PLEKHM3: variants seen among roughly 807,000 people sequenced by gnomAD.
PLEKHM3 encodes the protein pleckstrin homology domain containing M3.
A neutral mutation model predicts 81.8 loss-of-function variants in PLEKHM3; 45 were observed. That is an observed-to-expected ratio of 0.55 (90% CI 0.43 to 0.71). The LOEUF (loss-of-function observed/expected upper bound fraction) is 0.71, where lower values mean the gene tolerates loss of function less well. PLEKHM3 is among the 30% of genes least tolerant of loss of function. The pLI, the probability that PLEKHM3 is intolerant of heterozygous loss-of-function variation, is 0.00. For synonymous variants in PLEKHM3, 352 were observed against 356.4 expected, an observed-to-expected ratio of 0.99 and a Z score of 0.14; for missense variants, 788 against 924.3, an observed-to-expected ratio of 0.85 and a Z score of 1.91.
At chr2:207,965,277 C>T (rs1003996858) in intron 3 of PLEKHM3, among the ~76,000 whole-genome samples, 2 of 151,844 alleles carry the variant, frequency 1.3e-5, no homozygotes, top group Admixed American at 6.6e-5. Flanking sequence ...TTAGAAGTTA[C>T]GCCGGAAATG....
chr2:207,878,301 G>A (rs2092569400), intron 6 of PLEKHM3, among the ~76,000 whole-genome samples: 1 of 135,762 alleles, frequency 7.4e-6, no homozygotes, highest in Non-Finnish European at 1.7e-5. Context: ...CACACAGTGA[G>A]CATTAAAAAA....
chr2:207,984,519 T>C (rs1335839327), intron 2 of PLEKHM3, among the ~76,000 whole-genome samples: 1 of 152,270 alleles, frequency 6.6e-6, no homozygotes, highest in East Asian at 1.9e-4. Context: ...TAGCTGGGAT[T>C]ACAGGCGTGT....
chr2:207,902,891 T>C (rs940064563), intron 6 of PLEKHM3, among the ~76,000 whole-genome samples: 2 of 139,382 alleles, frequency 1.4e-5, no homozygotes, highest in East Asian at 4.5e-4. Flanking sequence ...CTATGTTGCA[T>C]AAGTTACATT....
At chr2:207,897,042 G>A (rs1688248005) in intron 6 of PLEKHM3, among the ~76,000 whole-genome samples, 1 of 152,236 alleles carries the variant, frequency 6.6e-6, no homozygotes, top group South Asian at 2.1e-4. Flanking sequence ...CCTAGGGAGA[G>A]TTCCTTGGCT....
At chr2:208,013,851 T>C (rs1692784872) in intron 1 of PLEKHM3, among the ~76,000 whole-genome samples, 1 of 152,174 alleles carries the variant, frequency 6.6e-6, no homozygotes, top group Admixed American at 6.5e-5. Flanking sequence ...AACAACCGGC[T>C]TATGGCTTAG....
intron 6 of PLEKHM3, among the ~76,000 whole-genome samples, chr2:207,868,220 C>A (rs916650540): frequency 2.6e-5 from 4 of 152,074 alleles, no homozygotes; most frequent in Admixed American, 2.6e-4. Context: ...CCAGGACCAA[C>A]TAGGACAAAA....
At chr2:208,005,521 A>G (rs1216562926) in intron 1 of PLEKHM3, among the ~76,000 whole-genome samples, 3 of 152,162 alleles carry the variant, frequency 2.0e-5, no homozygotes, top group Admixed American at 6.5e-5. Context: ...AACCAGGGCT[A>G]TATGTTTTTG....
At chr2:208,021,154 T>A (rs574031466) in intron 1 of PLEKHM3, among the ~76,000 whole-genome samples, 1 of 152,370 alleles carries the variant, frequency 6.6e-6, no homozygotes, top group African/African-American at 2.4e-5. Flanking sequence ...CAGCCTTGGA[T>A]GTTTTTTAAT....
chr2:207,897,852 T>C (rs1688276157), intron 6 of PLEKHM3, among the ~76,000 whole-genome samples: 2 of 152,232 alleles, frequency 1.3e-5, no homozygotes, highest in African/African-American at 4.8e-5. Flanking sequence ...CTTTAGAATA[T>C]GATTTATCAA....
intron 6 of PLEKHM3, among the ~76,000 whole-genome samples, chr2:207,903,007 T>G (rs1486814011): frequency 6.6e-6 from 1 of 152,034 alleles, no homozygotes; most frequent in Admixed American, 6.5e-5. Flanking sequence ...CTCTCTCTTT[T>G]CATGGCTCTT....
At chr2:208,008,515 A>AAC (rs1692578727) in intron 1 of PLEKHM3, among the ~76,000 whole-genome samples, 1 of 150,200 alleles carries the variant, frequency 6.7e-6, no homozygotes, top group African/African-American at 2.4e-5. Context: ...AAAAAAAAAA[A>AAC]AAAAAAAAAA....
rs1485068789 is a variant in PLEKHM3 at position 207,952,527 on chromosome 2, T to C, written c.1547-6015A>G. Among the ~76,000 whole-genome samples, 4 of 152,218 alleles carry C rather than the reference T, an allele frequency of 2.6e-5. No individual in the cohort carries two copies. In the East Asian group the frequency reaches 7.7e-4, roughly 29 times the overall value. On this transcript the variant is annotated intron_variant, in intron 3 of 7. Coordinates refer to ENST00000427836, the MANE Select transcript of PLEKHM3 (RefSeq NM_001080475.3). ...CTTATAGTCTCTAACCATTGGCTCA[T>C]TAAGTAGTGAAATTTTGAACCTGTA...
chr2:207,936,901 C>A (rs1202017420), intron 4 of PLEKHM3, among the ~76,000 whole-genome samples: 2 of 148,504 alleles, frequency 1.3e-5, no homozygotes, highest in African/African-American at 2.5e-5. Context: ...ATGTAAAATT[C>A]ATGAAATATT....
At chr2:207,980,047 C>T (rs1691468386) in intron 2 of PLEKHM3, among the ~76,000 whole-genome samples, 1 of 152,208 alleles carries the variant, frequency 6.6e-6, no homozygotes. Flanking sequence ...ATCTCATTTC[C>T]ATCAAGCACT....
At chr2:207,950,246 A>G (rs1194267676) in intron 3 of PLEKHM3, among the ~76,000 whole-genome samples, 7 of 152,232 alleles carry the variant, frequency 4.6e-5, no homozygotes, top group Non-Finnish European at 1.0e-4. Context: ...ATGACCCAGA[A>G]GTAGGTTTGA....
At chr2:207,932,994 C>CA (rs1689641629) in intron 4 of PLEKHM3, among the ~76,000 whole-genome samples, 2 of 151,854 alleles carry the variant, frequency 1.3e-5, no homozygotes, top group Non-Finnish European at 1.5e-5. Context: ...TATAGGAATG[C>CA]AAAAAAATAC....
intron 2 of PLEKHM3, among the ~76,000 whole-genome samples, chr2:207,985,782 C>T (rs983701712): frequency 1.2e-4 from 19 of 152,008 alleles, no homozygotes; most frequent in African/African-American, 3.9e-4. Context: ...GTCAGGAGAT[C>T]GAGACCATCC....
chr2:207,987,558 G>C (rs1015860794), intron 2 of PLEKHM3, among the ~76,000 whole-genome samples: 1 of 152,174 alleles, frequency 6.6e-6, no homozygotes, highest in African/African-American at 2.4e-5. Flanking sequence ...AAAGAACACT[G>C]GGGTGTTGCT....
At chr2:207,985,252 T>C (rs1691677171) in intron 2 of PLEKHM3, among the ~76,000 whole-genome samples, 1 of 151,606 alleles carries the variant, frequency 6.6e-6, no homozygotes, top group Non-Finnish European at 1.5e-5. Flanking sequence ...CTTGTCCAAG[T>C]TCTCCTCATA....
Sources: allele counts gnomAD v4.1 joint callset (sites outside exome capture counted in the v4.1 genomes callset), GRCh38; gene constraint gnomAD v4.1.1; transcripts MANE v1.5; gene names NCBI Gene and HGNC (gene_info 2026-07-23, HGNC 2026-07-21).